PRKG1: variants seen among roughly 807,000 people sequenced by gnomAD.
The protein encoded by PRKG1 is cGMP-dependent protein kinase 1.
PRKG1 carries 35 observed loss-of-function variants against 88.1 expected under a neutral mutation model. The ratio of observed to expected loss-of-function variants is 0.40; its 90% CI spans 0.30 to 0.53. The LOEUF (loss-of-function observed/expected upper bound fraction) is 0.53. Among genes scored for constraint, PRKG1 ranks in the 20% least tolerant of loss-of-function variants. The pLI, the probability that PRKG1 is intolerant of heterozygous loss-of-function variation, is 0.59. For missense variants in PRKG1, 540 were observed against 839.8 expected (o/e 0.64, Z 4.41); for synonymous variants, 303 against 292.5 (o/e 1.04, Z -0.37).
chr10:51,549,691 T>C (rs1360082881), intron 3 of PRKG1, among the ~76,000 whole-genome samples: 1 of 152,136 alleles, frequency 6.6e-6, no homozygotes, highest in Non-Finnish European at 1.5e-5. Flanking sequence ...TGAAGAATTG[T>C]CAGTAACTCG....
chr10:51,699,925 C>A (rs956389165), intron 3 of PRKG1, among the ~76,000 whole-genome samples: 1 of 152,242 alleles, frequency 6.6e-6, no homozygotes. Context: ...CCCTTGACGT[C>A]AAAGGCGGTT....
intron 3 of PRKG1, among the ~76,000 whole-genome samples, chr10:51,716,022 TATGTGG>T (rs1213219505): frequency 6.6e-6 from 1 of 152,242 alleles, no homozygotes; most frequent in African/African-American, 2.4e-5. Context: ...GGCTTCTTGC[TATGTGG>T]ATGTCAAGCA....
intron 1 of PRKG1, among the ~76,000 whole-genome samples, chr10:51,004,112 A>G (rs193052716): frequency 6.8e-4 from 103 of 152,294 alleles, no homozygotes; most frequent in South Asian, 1.4e-3. Flanking sequence ...TTTTTAGTTT[A>G]TGTGATTATA....
chr10:51,441,672 T>C (rs757092583), intron 2 of PRKG1, among the ~76,000 whole-genome samples: 1 of 152,000 alleles, frequency 6.6e-6, no homozygotes, highest in Non-Finnish European at 1.5e-5. Context: ...AATTTTGTTC[T>C]CTTTTATCCT....
At chr10:51,231,173 G>A (rs1197061967) in intron 2 of PRKG1, among the ~76,000 whole-genome samples, 2 of 152,124 alleles carry the variant, frequency 1.3e-5, no homozygotes, top group East Asian at 3.9e-4. Context: ...CATGTTTTAC[G>A]TTAAAAATTG....
At chr10:51,932,067 T>A (rs1040355202) in intron 5 of PRKG1, among the ~76,000 whole-genome samples, 37 of 152,156 alleles carry the variant, frequency 2.4e-4, no homozygotes, top group Non-Finnish European at 5.9e-5. Context: ...CCTCATTAGG[T>A]AGGATAATTT....
chr10:51,703,673 G>A (rs1434226188), intron 3 of PRKG1, among the ~76,000 whole-genome samples: 3 of 152,168 alleles, frequency 2.0e-5, no homozygotes, highest in Admixed American at 1.3e-4. Flanking sequence ...AAGAAGGTCT[G>A]TAAATGTGGT....
At chr10:51,006,820 C>A (rs1163035860) in intron 1 of PRKG1, among the ~76,000 whole-genome samples, 1 of 152,054 alleles carries the variant, frequency 6.6e-6, no homozygotes, top group Non-Finnish European at 1.5e-5. Context: ...CTGCAGCTAT[C>A]TACTCTCTGA....
At chr10:51,357,078 A>C (rs1842382247) in intron 2 of PRKG1, among the ~76,000 whole-genome samples, 1 of 151,998 alleles carries the variant, frequency 6.6e-6, no homozygotes, top group Non-Finnish European at 1.5e-5. Flanking sequence ...CAGGAGCTAG[A>C]TAAATATTTT....
At chr10:52,246,327 T>G (rs1841019842) in intron 9 of PRKG1, among the ~76,000 whole-genome samples, 1 of 152,156 alleles carries the variant, frequency 6.6e-6, no homozygotes, top group Non-Finnish European at 1.5e-5. Flanking sequence ...CAAAGAAATG[T>G]GAATATGATA....
In PRKG1 at chr10:50,991,760, C is replaced by A; in HGVS notation, c.266+116C>A. 1.3e-6 allele frequency: 1 copy of A among 785,400 alleles called. No homozygotes were observed. The highest frequency in any genetic ancestry group is 1.6e-6 in the Non-Finnish European group (1 of 637,418). 48.7% of individuals were successfully genotyped at this position (785,400 alleles called of 1,614,324 possible). A position where few individuals can be genotyped will look rare whatever the true frequency, so the allele number is the denominator to read the frequency against. ...CCAGGGCGCCCCCTGCTCGCTGCGG[C>A]GCGCGGAGTGGGGGTGGCCCCGCGG... On this transcript the variant is annotated intron_variant, in intron 1 of 17. Transcript: ENST00000401604. The surrounding 1 kb of genome is among the most constrained non-coding windows in gnomAD (Gnocchi z 4.5).
chr10:51,347,080 A>G (rs1009944266), intron 2 of PRKG1, among the ~76,000 whole-genome samples: 42 of 152,198 alleles, frequency 2.8e-4, no homozygotes, highest in African/African-American at 1.0e-3. Flanking sequence ...ATGAATGCCA[A>G]TAGCCACTGC....
intron 2 of PRKG1, among the ~76,000 whole-genome samples, chr10:51,270,345 A>G (rs1839946410): frequency 6.6e-6 from 1 of 152,188 alleles, no homozygotes. Flanking sequence ...GCAAGCTCTG[A>G]TCATTCATTT....
At chr10:51,588,076 T>C (rs79288140) in intron 3 of PRKG1, among the ~76,000 whole-genome samples, 11,221 of 152,266 alleles carry the variant, frequency 0.074, 1,385 homozygotes, top group African/African-American at 0.25. Context: ...GCAAAGTTCA[T>C]TGGCCATATC....
Position 51,539,452 on chromosome 10 carries a change from T to C in PRKG1, c.592+71616T>C, listed in dbSNP as rs142960882. Among the ~76,000 whole-genome samples the C allele has an allele frequency of 2.3e-3, 350 of 152,252 alleles. 1 individual carries two copies. Among genetic ancestry groups the C allele is most frequent in the African/African-American group, 7.1e-3 (294 of 41,568 alleles). The stretch of plus-strand genomic sequence containing the variant: ...TACAAAGATTGGGCATGAAGCAAAA[T>C]TGTCTCCCAAATAGGGATTTCATCT... On this transcript the variant is annotated intron_variant, in intron 3 of 17. Transcript: ENST00000373980.
intron 1 of PRKG1, among the ~76,000 whole-genome samples, chr10:51,107,869 G>A (rs1292311351): frequency 1.4e-5 from 2 of 140,986 alleles, no homozygotes; most frequent in African/African-American, 2.6e-5. Flanking sequence ...AATCAGCAAA[G>A]AGGGAGAAGA....
intron 4 of PRKG1, among the ~76,000 whole-genome samples, chr10:51,860,519 G>A (rs777554636): frequency 1.3e-5 from 2 of 152,142 alleles, no homozygotes; most frequent in Non-Finnish European, 2.9e-5. Flanking sequence ...CAAACAGGGT[G>A]GGGGAGTACT....
chr10:51,537,060 C>T (rs1589055821), intron 3 of PRKG1, among the ~76,000 whole-genome samples: 1 of 152,032 alleles, frequency 6.6e-6, no homozygotes, highest in African/African-American at 2.4e-5. Flanking sequence ...ATGTCCAGGT[C>T]CACTCTTCCT....
At chr10:51,623,826 G>A (rs1004016395) in intron 3 of PRKG1, among the ~76,000 whole-genome samples, 3 of 152,062 alleles carry the variant, frequency 2.0e-5, no homozygotes, top group Admixed American at 1.3e-4. Context: ...CTCACGCCCT[G>A]AAGCTGGTGA....
Sources: allele counts gnomAD v4.1 joint callset (sites outside exome capture counted in the v4.1 genomes callset), GRCh38; gene constraint gnomAD v4.1.1; non-coding constraint Gnocchi (gnomAD v3.1); transcripts MANE v1.5; gene names NCBI Gene and HGNC (gene_info 2026-07-23, HGNC 2026-07-21).